The following NCKAP5 variants were observed in gnomAD, a reference collection of about 807,000 sequenced individuals.
NCKAP5 encodes nck-associated protein 5.
In NCKAP5, 92 loss-of-function variants were observed where a neutral mutation model predicts 167.0. The ratio of observed to expected loss-of-function variants is 0.55; its 90% CI spans 0.47 to 0.66. NCKAP5 has a LOEUF of 0.66. Among genes scored for constraint, NCKAP5 ranks in the 30% least tolerant of loss-of-function variants. The pLI, the probability that NCKAP5 is intolerant of heterozygous loss-of-function variation, is 0.00. For missense variants in NCKAP5, 2,378 were observed against 2,315.0 expected (o/e 1.03, Z -0.56); for synonymous variants, 891 against 877.4 (o/e 1.02, Z -0.27).
chr2:133,613,440 A>T, the NCKAP5 span, among the ~76,000 whole-genome samples: 1 of 152,224 alleles, frequency 6.6e-6, no homozygotes, highest in Non-Finnish European at 1.5e-5. Flanking sequence ...TTGCAATAAC[A>T]GTAGCTAAGT....
intron 3 of NCKAP5, among the ~76,000 whole-genome samples, chr2:133,437,000 T>C (rs908221826): frequency 5.1e-4 from 77 of 152,140 alleles, no homozygotes; most frequent in African/African-American, 1.7e-3. Context: ...GTATTTTTCA[T>C]TGGGATCTCA....
At chr2:132,804,237 T>C (rs1685259439) in intron 11 of NCKAP5, among the ~76,000 whole-genome samples, 1 of 152,162 alleles carries the variant, frequency 6.6e-6, no homozygotes, top group Non-Finnish European at 1.5e-5. Context: ...CAAGCCTGAC[T>C]CTCTGAAGCT....
chr2:132,952,363 C>T (rs144041034), intron 8 of NCKAP5, among the ~76,000 whole-genome samples: 2,804 of 152,214 alleles, frequency 0.018, 162 homozygotes, highest in Admixed American at 0.12. Flanking sequence ...CAGATTAATT[C>T]TTGACATATT....
intron 9 of NCKAP5, among the ~76,000 whole-genome samples, chr2:132,872,901 A>G (rs527428725): frequency 8.4e-4 from 128 of 152,186 alleles, no homozygotes; most frequent in South Asian, 7.1e-3. Context: ...GATGGGAGAG[A>G]AATCTGACTT....
intron 10 of NCKAP5, among the ~76,000 whole-genome samples, chr2:132,867,298 CAT>C (rs1690432363): frequency 6.6e-6 from 1 of 152,060 alleles, no homozygotes; most frequent in African/African-American, 2.4e-5. Flanking sequence ...ACTAAGTCAG[CAT>C]AGAGTTTCAA....
chr2:133,079,998 C>A (rs2080748621), intron 6 of NCKAP5, among the ~76,000 whole-genome samples: 1 of 152,086 alleles, frequency 6.6e-6, no homozygotes, highest in Non-Finnish European at 1.5e-5. Flanking sequence ...TCCATAGAGA[C>A]CCAATACCTA....
intron 5 of NCKAP5, among the ~76,000 whole-genome samples, chr2:133,138,222 C>T (rs1250106717): frequency 1.3e-5 from 2 of 152,002 alleles, no homozygotes; most frequent in Non-Finnish European, 2.9e-5. Flanking sequence ...TTCGATTATT[C>T]GAAGAGAAAC....
chr2:132,899,288 T>C (rs1693438876), intron 8 of NCKAP5, among the ~76,000 whole-genome samples: 1 of 152,380 alleles, frequency 6.6e-6, no homozygotes, highest in East Asian at 1.9e-4. Context: ...TCAGCCTTCA[T>C]AGAATTGAAG....
chr2:133,196,223 G>T (rs930792379), intron 5 of NCKAP5, among the ~76,000 whole-genome samples: 1 of 152,158 alleles, frequency 6.6e-6, no homozygotes, highest in Admixed American at 6.5e-5. Flanking sequence ...AGAGAAAGAA[G>T]AACTTCTAAA....
chr2:133,311,671 T>C (rs186877486), intron 3 of NCKAP5, among the ~76,000 whole-genome samples: 15 of 152,128 alleles, frequency 9.9e-5, no homozygotes, highest in Admixed American at 5.9e-4. Context: ...CCCAGAAAAT[T>C]CTAAGGGATT....
chr2:133,403,924 T>C (rs1170558005), intron 3 of NCKAP5, among the ~76,000 whole-genome samples: 1 of 151,112 alleles, frequency 6.6e-6, no homozygotes, highest in Non-Finnish European at 1.5e-5. Flanking sequence ...TGTAGGTGAG[T>C]TTTCACCAGT....
chr2:132,759,120 T>TC (rs1680793631), intron 16 of NCKAP5, among the ~76,000 whole-genome samples: 1 of 151,310 alleles, frequency 6.6e-6, no homozygotes, highest in African/African-American at 2.4e-5. Flanking sequence ...ACAATTGGCT[T>TC]TTTTTTTTCC....
At chr2:132,673,716 T>TA (rs541615039) in intron 19 of NCKAP5, among the ~76,000 whole-genome samples, 14 of 152,108 alleles carry the variant, frequency 9.2e-5, no homozygotes, top group Admixed American at 2.0e-4. Context: ...TTTTTTCTAA[T>TA]AAAAAAAAGA....
Position 132,774,929 on chromosome 2 carries a change from C to T in NCKAP5, c.5050-1035G>A, listed in dbSNP as rs374804090. Reference sequence around the variant, plus strand: ...GATTTAAACGCAACAAATCTGACTCCGGATTTGTGTTTACTGGGGGGACCT... The same window carrying T: ...GATTTAAACGCAACAAATCTGACTCTGGATTTGTGTTTACTGGGGGGACCT... On this transcript the variant is annotated intron_variant, in intron 15 of 19. Transcript: ENST00000409261. Among the ~76,000 whole-genome samples, 118 of 152,284 alleles carry T rather than the reference C, an allele frequency of 7.7e-4. 1 individual carries two copies. The South Asian group carries it at 0.021, about 27-fold the overall frequency.
intron 8 of NCKAP5, among the ~76,000 whole-genome samples, chr2:132,910,410 C>T (rs536744057): frequency 5.6e-4 from 85 of 152,234 alleles, no homozygotes; most frequent in African/African-American, 1.4e-3. Flanking sequence ...CCCCCGAGCA[C>T]GCCCCCAACT....
intron 6 of NCKAP5, among the ~76,000 whole-genome samples, chr2:133,000,681 C>T (rs960210298): frequency 6.6e-6 from 1 of 152,136 alleles, no homozygotes; most frequent in East Asian, 1.9e-4. Context: ...AATCCTAACC[C>T]TAGTCTCTTA....
chr2:133,342,894 T>C (rs563501875), intron 3 of NCKAP5, among the ~76,000 whole-genome samples: 1 of 152,266 alleles, frequency 6.6e-6, no homozygotes, highest in African/African-American at 2.4e-5. Flanking sequence ...CCCTGCAGGA[T>C]GGTGCAACAT....
At chr2:133,128,334 T>C (rs2082469770) in intron 6 of NCKAP5, among the ~76,000 whole-genome samples, 1 of 152,150 alleles carries the variant, frequency 6.6e-6, no homozygotes, top group Non-Finnish European at 1.5e-5. Context: ...TTATAAATGG[T>C]GAAGTATAGA....
intron 8 of NCKAP5, among the ~76,000 whole-genome samples, chr2:132,939,535 A>T (rs1697122738): frequency 6.6e-6 from 1 of 151,004 alleles, no homozygotes; most frequent in African/African-American, 2.4e-5. Context: ...TGTAAGACCT[A>T]TTTTTTTTTA....
Sources: gnomAD v4.1 joint callset for allele counts (sites outside exome capture counted in the v4.1 genomes callset) on GRCh38, gnomAD v4.1.1 for gene constraint, MANE v1.5 for transcripts, NCBI Gene and HGNC (gene_info 2026-07-23, HGNC 2026-07-21) for gene names.